The following SH3RF3 variants were observed in gnomAD, a reference collection of about 807,000 sequenced individuals.
SH3RF3 encodes the protein SH3 domain containing ring finger 3, also known as E3 ubiquitin-protein ligase SH3RF3.
In SH3RF3, 29 loss-of-function variants were observed where a neutral mutation model predicts 66.3. That is an observed-to-expected ratio of 0.44 (90% CI 0.33 to 0.60). The LOEUF is 0.60. SH3RF3 is among the 20% of genes least tolerant of loss of function. The pLI is 0.04. For missense variants in SH3RF3, 1,194 were observed against 1,190.9 expected (o/e 1.00, Z -0.04); for synonymous variants, 583 against 532.0 (o/e 1.10, Z -1.32).
chr2:109,419,490 G>A, intron 4 of SH3RF3, 49 bp from the exon 5 acceptor site: 2 of 1,533,698 alleles, frequency 1.3e-6, no homozygotes, highest in Non-Finnish European at 1.8e-6. Flanking sequence ...TCTTTCCCTT[G>A]GATGGAGTCT....
intron 3 of SH3RF3, among the ~76,000 whole-genome samples, chr2:109,389,152 G>A (rs1444011803): frequency 6.6e-6 from 1 of 152,212 alleles, no homozygotes; most frequent in East Asian, 1.9e-4. Flanking sequence ...ACAGGTGAGC[G>A]TACCTGCAGA....
intron 1 of SH3RF3, among the ~76,000 whole-genome samples, chr2:109,287,830 T>C (rs1681066613): frequency 6.6e-6 from 1 of 152,224 alleles, no homozygotes; most frequent in Admixed American, 6.5e-5. Context: ...TGCACTCTCC[T>C]GTGTGCAGTT....
At chr2:109,298,647 C>T (rs760949105) in intron 1 of SH3RF3, among the ~76,000 whole-genome samples, 10 of 152,106 alleles carry the variant, frequency 6.6e-5, no homozygotes, top group Non-Finnish European at 1.2e-4. Flanking sequence ...GGAGCACACC[C>T]GTTCCGTGCT....
chr2:109,153,437 T>C (rs551694354), intron 1 of SH3RF3, among the ~76,000 whole-genome samples: 7 of 152,294 alleles, frequency 4.6e-5, no homozygotes, highest in African/African-American at 1.7e-4. Flanking sequence ...TTAGTTCTGC[T>C]GAGAAAGAAG....
chr2:109,493,089 C>G (rs1420396315), intron 9 of SH3RF3, among the ~76,000 whole-genome samples: 1 of 98,336 alleles, frequency 1.0e-5, no homozygotes, highest in African/African-American at 3.6e-5. Context: ...ACCATACATA[C>G]AAACATACAC....
At chr2:109,229,811 C>A (rs1213366802) in intron 1 of SH3RF3, among the ~76,000 whole-genome samples, 7 of 145,842 alleles carry the variant, frequency 4.8e-5, no homozygotes, top group Non-Finnish European at 1.0e-4. Context: ...GATTTTTTTT[C>A]TTTTCTTTTT....
At chr2:109,382,055 CTG>C (rs1675694617) in intron 3 of SH3RF3, among the ~76,000 whole-genome samples, 1 of 152,128 alleles carries the variant, frequency 6.6e-6, no homozygotes, top group African/African-American at 2.4e-5. Flanking sequence ...GGCTTGAGGT[CTG>C]CAGTTGCTTA....
chr2:109,150,061 C>T (rs568301419), intron 1 of SH3RF3, among the ~76,000 whole-genome samples: 5 of 152,310 alleles, frequency 3.3e-5, no homozygotes, highest in East Asian at 1.9e-4. Context: ...TCAGATTCAA[C>T]GGTCCCCAGG....
intron 8 of SH3RF3, 78 bp downstream of exon 8, chr2:109,449,567 G>C: frequency 6.6e-7 from 1 of 1,504,832 alleles, no homozygotes; most frequent in Non-Finnish European, 8.9e-7. Flanking sequence ...GATGGCAGTG[G>C]CATTTGTGCA....
chr2:109,188,946 T>C (rs1678267365), intron 1 of SH3RF3, among the ~76,000 whole-genome samples: 1 of 151,520 alleles, frequency 6.6e-6, no homozygotes, highest in Non-Finnish European at 1.5e-5. Flanking sequence ...AAAAAAAACC[T>C]GAAAATGTTT....
At chr2:109,295,701 A>G (rs1386539955) in intron 1 of SH3RF3, among the ~76,000 whole-genome samples, 1 of 152,154 alleles carries the variant, frequency 6.6e-6, no homozygotes, top group Non-Finnish European at 1.5e-5. Flanking sequence ...ATTTGGGGAC[A>G]TGAAGATCAG....
At chr2:109,501,340 T>C (rs965767408) in intron 9 of SH3RF3, among the ~76,000 whole-genome samples, 163 bp from the exon 10 acceptor site, 4 of 152,096 alleles carry the variant, frequency 2.6e-5, no homozygotes, top group Admixed American at 2.0e-4. Flanking sequence ...AATGAAAAAT[T>C]TCCAGAGTTT....
chr2:109,478,455 A>G (rs1559104980), intron 8 of SH3RF3, among the ~76,000 whole-genome samples: 1 of 152,120 alleles, frequency 6.6e-6, no homozygotes, highest in Non-Finnish European at 1.5e-5. Context: ...AAGACCTGCG[A>G]TTTGGTTTGA....
At chr2:109,255,420 A>G (rs149824482) in intron 1 of SH3RF3, among the ~76,000 whole-genome samples, 1 of 152,306 alleles carries the variant, frequency 6.6e-6, no homozygotes, top group African/African-American at 2.4e-5. Context: ...CTCAATGATC[A>G]GTATGAAGGT....
chr2:109,204,940 G>C (rs1678774916), intron 1 of SH3RF3, among the ~76,000 whole-genome samples: 1 of 152,202 alleles, frequency 6.6e-6, no homozygotes, highest in Admixed American at 6.5e-5. Context: ...GGGCATGGTG[G>C]CTCATGCCTG....
chr2:109,160,643 C>A (rs2104905812), intron 1 of SH3RF3, among the ~76,000 whole-genome samples: 1 of 152,268 alleles, frequency 6.6e-6, no homozygotes, highest in Non-Finnish European at 1.5e-5. Context: ...CCACCAGGTC[C>A]CAGAACTCAA....
chr2:109,384,486 G>A (rs1320226184), intron 3 of SH3RF3, among the ~76,000 whole-genome samples: 1 of 152,006 alleles, frequency 6.6e-6, no homozygotes, highest in Non-Finnish European at 1.5e-5. Flanking sequence ...GACCAAGCAG[G>A]CAGGTGGGAG....
intron 7 of SH3RF3, among the ~76,000 whole-genome samples, chr2:109,444,269 GTAAT>G (rs1354544210): frequency 1.3e-5 from 2 of 152,176 alleles, no homozygotes; most frequent in East Asian, 1.9e-4. Context: ...AAAAAATACA[GTAAT>G]TAAGTTTATG....
chr2:109,246,827 G>A (rs185383076), intron 1 of SH3RF3, among the ~76,000 whole-genome samples: 8 of 152,292 alleles, frequency 5.3e-5, no homozygotes, highest in East Asian at 1.9e-4. Context: ...GCTCATCCAC[G>A]TGCTTCTGTT....
Sources: allele counts gnomAD v4.1 joint callset (sites outside exome capture counted in the v4.1 genomes callset), GRCh38; gene constraint gnomAD v4.1.1; transcripts MANE v1.5; gene names NCBI Gene and HGNC (gene_info 2026-07-23, HGNC 2026-07-21).